The following TEK variants were observed in gnomAD, a reference collection of about 807,000 sequenced individuals.
TEK encodes the protein angiopoietin-1 receptor.
A neutral mutation model predicts 131.8 loss-of-function variants in TEK; 43 were observed. The observed-to-expected ratio is 0.33, with a 90% CI of 0.26 to 0.42. The LOEUF (loss-of-function observed/expected upper bound fraction) is 0.42, where lower values mean the gene tolerates loss of function less well. Ranked by LOEUF, TEK falls within the 10% of genes least tolerant of loss-of-function variation. The probability of loss-of-function intolerance (pLI) is 1.00; values close to 1 mark genes in which losing one functional copy is unlikely to be tolerated. For synonymous variants in TEK, 580 were observed against 491.6 expected (o/e 1.18, Z -2.38); for missense variants, 1,162 against 1,384.4 (o/e 0.84, Z 2.55).
chr9:27,120,421 G>T (rs914640400), intron 1 of TEK, among the ~76,000 whole-genome samples: 4 of 152,256 alleles, frequency 2.6e-5, no homozygotes, highest in African/African-American at 9.6e-5. Context: ...ATGGATTAGG[G>T]CCCTGCCTTA....
chr9:27,110,157 C>T (rs1273867737), intron 1 of TEK, among the ~76,000 whole-genome samples: 1 of 129,334 alleles, frequency 7.7e-6, no homozygotes, highest in Non-Finnish European at 1.6e-5. Context: ...TTAAGCAAAG[C>T]AATGAAATTG....
At chr9:27,136,578 G>A (rs1449249639) in intron 1 of TEK, among the ~76,000 whole-genome samples, 1 of 152,090 alleles carries the variant, frequency 6.6e-6, no homozygotes, top group Admixed American at 6.5e-5. Context: ...TGGACATACA[G>A]CCACAATCAT....
chr9:27,160,575 C>G (rs77294855), intron 2 of TEK, among the ~76,000 whole-genome samples: 1 of 152,086 alleles, frequency 6.6e-6, no homozygotes, highest in African/African-American at 2.4e-5. Flanking sequence ...CCATGGACCA[C>G]GCTTTGAGTA....
intron 6 of TEK, among the ~76,000 whole-genome samples, chr9:27,175,995 ACTCAT>A (rs1418418498): frequency 6.6e-6 from 1 of 152,074 alleles, no homozygotes; most frequent in Non-Finnish European, 1.5e-5. Flanking sequence ...CATTTCATGA[ACTCAT>A]CTCAGCCCAT....
At chr9:27,201,357 A>G (rs1427125771) in intron 12 of TEK, among the ~76,000 whole-genome samples, 1 of 152,220 alleles carries the variant, frequency 6.6e-6, no homozygotes, top group East Asian at 1.9e-4. Flanking sequence ...TTAGAAGACC[A>G]CTGGTTTATG....
At chr9:27,170,366 C>T (rs1229997932) in intron 4 of TEK, among the ~76,000 whole-genome samples, 7 of 152,042 alleles carry the variant, frequency 4.6e-5, no homozygotes, top group South Asian at 2.1e-4. Context: ...TGGCTGGGTA[C>T]GGTGGCTCAT....
intron 11 of TEK, chr9:27,195,598 A>G (rs2131192978): frequency 2.2e-6 from 1 of 455,420 alleles, no homozygotes; most frequent in Admixed American, 2.4e-5. Context: ...TACGTTTTGG[A>G]AGGACTTCAT....
chr9:27,169,252 T>C (rs1564072996), intron 3 of TEK, among the ~76,000 whole-genome samples: 1 of 152,346 alleles, frequency 6.6e-6, no homozygotes, highest in Middle Eastern at 3.4e-3. Flanking sequence ...TTCATGTGTT[T>C]GGTGGTAGAT....
intron 9 of TEK, among the ~76,000 whole-genome samples, chr9:27,188,124 C>A (rs10967762): frequency 0.13 from 19,445 of 152,072 alleles, 1,434 homozygotes; most frequent in Admixed American, 0.23. Context: ...TTTATGATTC[C>A]ATTTATATAA....
intron 14 of TEK, among the ~76,000 whole-genome samples, chr9:27,205,810 A>T (rs904230673): frequency 1.3e-5 from 2 of 152,308 alleles, no homozygotes; most frequent in East Asian, 3.9e-4. Flanking sequence ...TATATAATGC[A>T]TTGAGTGCAA....
intron 13 of TEK, among the ~76,000 whole-genome samples, chr9:27,203,423 G>C (rs1825291946): frequency 6.6e-6 from 1 of 152,196 alleles, no homozygotes; most frequent in African/African-American, 2.4e-5. Flanking sequence ...GCTGCTTATA[G>C]AAGGCAAGCT....
chr9:27,213,680 C>A, intron 18 of TEK, 83 bp downstream of exon 18: 1 of 1,021,680 alleles, frequency 9.8e-7, no homozygotes, highest in Non-Finnish European at 1.5e-6. Context: ...ACTGTCAGTG[C>A]TCTGTGGTGA....
At chr9:27,216,179 T>C (rs1457785065) in intron 18 of TEK, among the ~76,000 whole-genome samples, 2 of 152,052 alleles carry the variant, frequency 1.3e-5, no homozygotes, top group African/African-American at 4.8e-5. Context: ...TTAAAGAATT[T>C]TAAGGAATAG....
At chr9:27,175,641 C>T (rs1037310229) in intron 6 of TEK, among the ~76,000 whole-genome samples, 2 of 151,848 alleles carry the variant, frequency 1.3e-5, no homozygotes, top group African/African-American at 4.8e-5. Context: ...ACATCCTCTC[C>T]AGCACCTGTT....
intron 1 of TEK, among the ~76,000 whole-genome samples, chr9:27,127,692 C>G (rs145612816): frequency 1.3e-5 from 2 of 152,310 alleles, no homozygotes; most frequent in African/African-American, 4.8e-5. Flanking sequence ...GAGATGGTAT[C>G]TCATTGTGGT....
In TEK at chr9:27,204,935, A is replaced by G. The variant is rs752502743; in HGVS notation, c.2234A>G (p.Lys745Arg). ...GCACCAGCGGACCTCGGAGGGGGGA[A>G]GATGCTGCTTATAGCCATCCTTGGC... ...SQAPADLGGGKMLLIAILGSA... is the reference protein window; with the variant it reads ...SQAPADLGGGRMLLIAILGSA... The change falls in exon 14 of 23, where the codon AAG becomes AGG. Residue 745 changes from lysine (K) to arginine (R), a missense_variant. Lys to Arg is a conservative substitution (Grantham distance 26). Around this residue, in one of 6 missense-constraint regions of TEK, gnomAD observed 477 missense variants for 471.0 expected, o/e 1.01. Transcript: ENST00000380036. The G allele has an allele frequency of 6.1e-5, 99 of 1,613,870 alleles. No individual in the cohort carries two copies. Among genetic ancestry groups the G allele is most frequent in the Non-Finnish European group, 8.1e-5 (96 of 1,179,900 alleles).
intron 1 of TEK, among the ~76,000 whole-genome samples, chr9:27,125,221 T>C (rs551400053): frequency 1.3e-5 from 2 of 152,318 alleles, no homozygotes; most frequent in East Asian, 3.9e-4. Flanking sequence ...CAGAAGCCTG[T>C]AGTAATCGCC....
intron 11 of TEK, 139 bp from the exon 12 acceptor site, chr9:27,197,176 C>A (rs1300451703): frequency 2.4e-6 from 2 of 834,096 alleles, no homozygotes; most frequent in Non-Finnish European, 3.8e-6. Context: ...TGGGAAGTCA[C>A]ACTCATCAAC....
At chr9:27,163,759 A>G (rs1823626364) in intron 2 of TEK, among the ~76,000 whole-genome samples, 1 of 152,206 alleles carries the variant, frequency 6.6e-6, no homozygotes, top group Admixed American at 6.5e-5. Context: ...TCTTCACAGG[A>G]CTGTGGTGAA....
Sources: allele counts gnomAD v4.1 joint callset (sites outside exome capture counted in the v4.1 genomes callset), GRCh38; gene constraint gnomAD v4.1.1; regional missense constraint gnomAD v4.1.1; transcripts MANE v1.5; gene names NCBI Gene and HGNC (gene_info 2026-07-23, HGNC 2026-07-21).